The following GRM8 variants were observed in gnomAD, a reference collection of about 807,000 sequenced individuals.
GRM8 encodes metabotropic glutamate receptor 8.
Under a neutral mutation model 87.2 loss-of-function variants are expected in GRM8, and 47 were observed. The observed-to-expected ratio is 0.54, with a 90% CI of 0.43 to 0.69. The LOEUF is 0.69. GRM8 is among the 30% of genes least tolerant of loss of function. The pLI is 0.00. For synonymous variants in GRM8, 396 were observed against 404.5 expected (o/e 0.98, Z 0.25); for missense variants, 1,019 against 1,139.2 (o/e 0.89, Z 1.52).
intron 6 of GRM8, among the ~76,000 whole-genome samples, chr7:126,872,018 A>G (rs774751674): frequency 6.6e-6 from 1 of 152,156 alleles, no homozygotes; most frequent in African/African-American, 2.4e-5. Context: ...ATGTGCAGAT[A>G]TTGCCAGCCC....
chr7:127,207,563 A>G (rs1208937466), intron 2 of GRM8, among the ~76,000 whole-genome samples: 2 of 152,192 alleles, frequency 1.3e-5, no homozygotes, highest in South Asian at 2.1e-4. Context: ...TAATCCTGCT[A>G]GGAAGGTGTT....
chr7:126,811,975 A>C (rs1793342530), intron 6 of GRM8, among the ~76,000 whole-genome samples: 1 of 151,928 alleles, frequency 6.6e-6, no homozygotes, highest in Non-Finnish European at 1.5e-5. Context: ...AAGATTTTGA[A>C]GGGTGGAGGG....
intron 2 of GRM8, among the ~76,000 whole-genome samples, chr7:127,224,131 A>G (rs1335444870): frequency 2.6e-5 from 4 of 152,170 alleles, no homozygotes; most frequent in Non-Finnish European, 5.9e-5. Flanking sequence ...GAGAGGAAAA[A>G]GAGGGTAGGG....
intron 3 of GRM8, among the ~76,000 whole-genome samples, chr7:127,088,513 C>T (rs552772754): frequency 6.6e-6 from 1 of 152,292 alleles, no homozygotes; most frequent in African/African-American, 2.4e-5. Flanking sequence ...CATTTAGATC[C>T]TATTTTTCAG....
At chr7:126,886,539 G>A (rs1800517454) in intron 6 of GRM8, among the ~76,000 whole-genome samples, 1 of 152,054 alleles carries the variant, frequency 6.6e-6, no homozygotes, top group Admixed American at 6.6e-5. Flanking sequence ...CAAAAGAAGA[G>A]GGAAGGAGCT....
intron 8 of GRM8, among the ~76,000 whole-genome samples, chr7:126,604,890 A>G (rs1798196179): frequency 6.6e-6 from 1 of 152,126 alleles, no homozygotes; most frequent in African/African-American, 2.4e-5. Context: ...ACCCTTCCAA[A>G]TTACACTCTG....
At chr7:126,938,080 C>T (rs147351436) in intron 3 of GRM8, among the ~76,000 whole-genome samples, 1 of 152,310 alleles carries the variant, frequency 6.6e-6, no homozygotes, top group Non-Finnish European at 1.5e-5. Context: ...TTGTAGCTAA[C>T]TAGACATGGT....
chr7:126,757,128 CAG>C, intron 7 of GRM8, among the ~76,000 whole-genome samples: 1 of 152,082 alleles, frequency 6.6e-6, no homozygotes, highest in South Asian at 2.1e-4. Context: ...TTAATAGAGA[CAG>C]ATAATGGTAG....
At chr7:126,726,241 T>C (rs1363876682) in intron 7 of GRM8, among the ~76,000 whole-genome samples, 1 of 151,216 alleles carries the variant, frequency 6.6e-6, no homozygotes, top group Admixed American at 6.6e-5. Context: ...ACGTAGAGGA[T>C]AGGGAAGTCC....
chr7:126,527,242 T>C (rs1813997985), intron 9 of GRM8, among the ~76,000 whole-genome samples: 1 of 152,028 alleles, frequency 6.6e-6, no homozygotes, highest in South Asian at 2.1e-4. Context: ...TCTGTAATCC[T>C]AGCTACTTGA....
chr7:126,481,701 A>G (rs1806695404), intron 9 of GRM8, among the ~76,000 whole-genome samples: 1 of 152,086 alleles, frequency 6.6e-6, no homozygotes, highest in African/African-American at 2.4e-5. Context: ...AAGCATGACA[A>G]CTTAAGATAA....
intron 3 of GRM8, among the ~76,000 whole-genome samples, chr7:127,001,645 T>C (rs1441733904): frequency 6.6e-6 from 1 of 151,674 alleles, no homozygotes; most frequent in East Asian, 1.9e-4. Context: ...TTTGTAAATC[T>C]GTTTGGCAGA....
intron 6 of GRM8, among the ~76,000 whole-genome samples, chr7:126,875,953 AG>A (rs1799492604): frequency 6.6e-6 from 1 of 152,166 alleles, no homozygotes; most frequent in Non-Finnish European, 1.5e-5. Context: ...CGAATTCAGT[AG>A]TATTCATAGA....
chr7:126,694,486 A>G (rs966322084), intron 7 of GRM8, among the ~76,000 whole-genome samples: 2 of 152,192 alleles, frequency 1.3e-5, no homozygotes, highest in African/African-American at 4.8e-5. Flanking sequence ...AATGGAAGCT[A>G]TTATCTATAT....
At chr7:126,526,780 GCCACTTGGCAGT>G (rs1813911731) in intron 9 of GRM8, among the ~76,000 whole-genome samples, 1 of 152,212 alleles carries the variant, frequency 6.6e-6, no homozygotes, top group Non-Finnish European at 1.5e-5. Context: ...CCCTAGGAGA[GCCACTTGGCAGT>G]CCTGCCTGCA....
chr7:127,041,474 A>G (rs1394963550), intron 3 of GRM8, among the ~76,000 whole-genome samples: 3 of 152,242 alleles, frequency 2.0e-5, no homozygotes, highest in Non-Finnish European at 4.4e-5. Context: ...TTTAGAGCCA[A>G]TGATCAGACG....
chr7:126,739,709 C>T (rs144408693), intron 7 of GRM8, among the ~76,000 whole-genome samples: 1,920 of 141,020 alleles, frequency 0.014, 22 homozygotes, highest in Non-Finnish European at 0.02. Context: ...GTTTATAACT[C>T]TGATTTAACA....
intron 3 of GRM8, among the ~76,000 whole-genome samples, chr7:127,034,744 T>C (rs1697950862): frequency 6.6e-6 from 1 of 152,176 alleles, no homozygotes; most frequent in Admixed American, 6.5e-5. Context: ...ACTCACTTTA[T>C]CCCTCAAATA....
Position 126,513,512 on chromosome 7 carries a change from G to A in GRM8, c.2430+19440C>T, listed in dbSNP as rs1053937954. 2.6e-5 allele frequency among the ~76,000 whole-genome samples: 4 copies of A among 152,236 alleles called. No individual in the cohort carries two copies. In the East Asian group the frequency reaches 7.8e-4, roughly 30 times the overall value. On this transcript the variant is annotated intron_variant, in intron 9 of 10. Coordinates refer to ENST00000339582, the MANE Select transcript of GRM8 (RefSeq NM_000845.3). ...GTGGGCACTAGCAAATCTGCACTAT[G>A]CAACTGGAAGAAACTTGTATACATA...
Sources: allele counts gnomAD v4.1 joint callset (sites outside exome capture counted in the v4.1 genomes callset), GRCh38; gene constraint gnomAD v4.1.1; transcripts MANE v1.5; gene names NCBI Gene and HGNC (gene_info 2026-07-23, HGNC 2026-07-21).